The following PLB1 variants were observed in gnomAD, a reference collection of about 807,000 sequenced individuals.
The protein encoded by PLB1 is phospholipase B1, membrane-associated.
Under a neutral mutation model 227.4 loss-of-function variants are expected in PLB1, and 242 were observed. The ratio of observed to expected loss-of-function variants is 1.06; its 90% CI spans 0.96 to 1.18. The LOEUF is 1.18. PLB1 is among the 50% of genes most tolerant of loss of function. The probability of loss-of-function intolerance (pLI) is 0.00; values close to 1 mark genes in which losing one functional copy is unlikely to be tolerated. For missense variants in PLB1, 1,858 were observed against 1,816.3 expected, an observed-to-expected ratio of 1.02 and a Z score of -0.42; for synonymous variants, 757 against 682.2, an observed-to-expected ratio of 1.11 and a Z score of -1.71.
chr2:28,633,978 T>C (rs1335882983), intron 56 of PLB1, among the ~76,000 whole-genome samples: 2 of 152,192 alleles, frequency 1.3e-5, no homozygotes, highest in African/African-American at 2.4e-5. Context: ...TTCCCACCCC[T>C]GTCAGCTCAT....
chr2:28,582,793 G>A (rs747848141), intron 25 of PLB1, among the ~76,000 whole-genome samples: 8 of 152,234 alleles, frequency 5.3e-5, no homozygotes, highest in Middle Eastern at 3.4e-3. Context: ...AGAGTAAAAC[G>A]CTAGGAATGG....
chr2:28,549,695 C>T (rs77218411), intron 15 of PLB1, among the ~76,000 whole-genome samples: 1,626 of 152,270 alleles, frequency 0.011, 29 homozygotes, highest in African/African-American at 0.037. Flanking sequence ...AATTCACCTT[C>T]TTGCACTTTT....
chr2:28,559,812 C>T (rs374557586), intron 17 of PLB1, among the ~76,000 whole-genome samples: 79 of 125,810 alleles, frequency 6.3e-4, no homozygotes, highest in Middle Eastern at 6.7e-3. Context: ...ATTGCAGTGG[C>T]GCAATCTCGG....
At chr2:28,610,065 G>T (rs990507380) in intron 43 of PLB1, among the ~76,000 whole-genome samples, 7 of 151,900 alleles carry the variant, frequency 4.6e-5, no homozygotes, top group African/African-American at 1.7e-4. Flanking sequence ...ACACCCTATG[G>T]CCTCTGCTTA....
intron 1 of PLB1, among the ~76,000 whole-genome samples, chr2:28,514,049 A>T (rs1025330563): frequency 6.6e-6 from 1 of 152,242 alleles, no homozygotes; most frequent in Non-Finnish European, 1.5e-5. Flanking sequence ...TTCATTTTTT[A>T]AAACTTAATA....
chr2:28,631,340 C>T (rs1332913351), intron 54 of PLB1, among the ~76,000 whole-genome samples: 1 of 152,076 alleles, frequency 6.6e-6, no homozygotes, highest in Non-Finnish European at 1.5e-5. Context: ...CTCCTTCATT[C>T]ACAAGGCAAG....
At chr2:28,617,921 C>T (rs774562984) in intron 45 of PLB1, 134 bp downstream of exon 45, 11 of 869,290 alleles carry the variant, frequency 1.3e-5, no homozygotes, top group Admixed American at 6.0e-5. Context: ...CTAGATCCTG[C>T]GGCCTGCCGC....
intron 21 of PLB1, among the ~76,000 whole-genome samples, chr2:28,574,852 C>A (rs1292388947): frequency 1.3e-5 from 2 of 152,204 alleles, no homozygotes; most frequent in Non-Finnish European, 2.9e-5. Context: ...TTATTTCATT[C>A]CTTTTTATGG....
chr2:28,589,886 T>C, intron 28 of PLB1, 116 bp downstream of exon 28: 1 of 1,356,082 alleles, frequency 7.4e-7, no homozygotes, highest in Non-Finnish European at 1.1e-6. Flanking sequence ...TGCACGGCAA[T>C]GACAAACAAA....
intron 1 of PLB1, among the ~76,000 whole-genome samples, chr2:28,502,537 G>C (rs758707572): frequency 1.3e-5 from 2 of 152,080 alleles, no homozygotes; most frequent in Non-Finnish European, 1.5e-5. Flanking sequence ...TGCTAATACT[G>C]AATGATCCAT....
Position 28,602,811 on chromosome 2 carries a change from T to C in PLB1, c.2674-10T>C, listed in dbSNP as rs775032741. The C allele has an allele frequency of 1.2e-6, 2 of 1,613,314 alleles. No individual in the cohort carries two copies. The highest frequency in any genetic ancestry group is 2.2e-5 in the South Asian group (2 of 91,074). On this transcript the variant is annotated splice_polypyrimidine_tract_variant and intron_variant, in intron 38 of 57. Coordinates refer to ENST00000327757, the MANE Select transcript of PLB1 (RefSeq NM_153021.5). Reference sequence around the variant, plus strand: ...TGGAGCCCCCCTCTCATCTGCAGCTTTTCCCTTAGGTGCCCAGAGTCCTGG... The same window carrying C: ...TGGAGCCCCCCTCTCATCTGCAGCTCTTCCCTTAGGTGCCCAGAGTCCTGG...
At chr2:28,549,434 T>TTTTTTTTTG (rs60408643) in intron 15 of PLB1, among the ~76,000 whole-genome samples, 1 of 146,148 alleles carries the variant, frequency 6.8e-6, no homozygotes, top group Admixed American at 6.9e-5. Flanking sequence ...TTTTTTTTTT[T>TTTTTTTTTG]GAGACGGAGT....
At chr2:28,632,234 T>TTA in intron 55 of PLB1, 94 bp downstream of exon 55, 1 of 986,840 alleles carries the variant, frequency 1.0e-6, no homozygotes, top group Non-Finnish European at 1.5e-6. Flanking sequence ...TTTTTTTTTT[T>TTA]AACCATCTCT....
intron 40 of PLB1, 30 bp from the exon 41 acceptor site, chr2:28,604,625 G>A: frequency 6.2e-7 from 1 of 1,603,238 alleles, no homozygotes. Context: ...CCCAGGGCCT[G>A]GGCTGAAGAC....
intron 33 of PLB1, 151 bp from the exon 34 acceptor site, chr2:28,597,854 A>C: frequency 1.3e-6 from 1 of 744,564 alleles, no homozygotes; most frequent in Non-Finnish European, 2.3e-6. Flanking sequence ...AAATTTTCTC[A>C]GAATTCCTCA....
At chr2:28,540,298 C>A in intron 11 of PLB1, 68 bp from the exon 12 acceptor site, 2 of 1,336,152 alleles carry the variant, frequency 1.5e-6, no homozygotes, top group Non-Finnish European at 2.2e-6. Flanking sequence ...AAGAGGCGGG[C>A]TGGATGCATC....
rs750939741 is a variant in PLB1, at chr2:28,550,015, C to T, written c.1014C>T (p.Ser338=). 1.2e-5 allele frequency: 20 copies of T among 1,612,526 alleles called. No homozygotes were observed. In the Admixed American group the frequency reaches 3.3e-4, roughly 27 times the overall value. The part of the protein sequence containing the change: ...GRPMKCPSQE[S]PYLFSYRNSN... ...CATGTCACCTTTCCCTGCAGGAGAGCCCCTATCTGTTCAGCTACAGAAACA... is the reference window on the plus strand; with the variant it reads ...CATGTCACCTTTCCCTGCAGGAGAGTCCCTATCTGTTCAGCTACAGAAACA... Residue 338 remains serine (S), a synonymous_variant, in exon 16 of 58, where the codon AGC becomes AGT. Transcript: ENST00000327757.
Position 28,502,881 on chromosome 2 carries a change from C to A in PLB1, c.55+6712C>A, listed in dbSNP as rs147514157. On this transcript the variant is annotated intron_variant, in intron 1 of 57. Transcript: ENST00000327757. ...TGGAATATTATTTTTTGGTAGATTT[C>A]TGACTACTGGTTCAATTTCTTTAGC... Among the ~76,000 whole-genome samples, 429 of 152,142 alleles carry A rather than the reference C, an allele frequency of 2.8e-3. 3 individuals are homozygous for A. Among genetic ancestry groups the A allele is most frequent in the African/African-American group, 9.8e-3 (406 of 41,512 alleles).
At position 28,532,259 on chromosome 2, in the gene PLB1, C is replaced by T. The variant is rs1209638460; in HGVS notation, c.555+65C>T. The T allele has an allele frequency of 7.5e-6, 10 of 1,330,460 alleles. No individual in the cohort carries two copies. In the South Asian group the frequency reaches 1.3e-4, roughly 17 times the overall value. 82.4% of individuals were successfully genotyped at this position (1,330,460 alleles called of 1,614,324 possible). A position where few individuals can be genotyped will look rare whatever the true frequency, so the allele number is the denominator to read the frequency against. On this transcript the variant is annotated intron_variant, in intron 9 of 57. Coordinates refer to ENST00000327757, the MANE Select transcript of PLB1 (RefSeq NM_153021.5). ...GGGGTGGAGAGGGAGTGAACTAAAC[C>T]TGCCTGATTACCCAATCCCCAGCTG...
Sources: gnomAD v4.1 joint callset for allele counts (sites outside exome capture counted in the v4.1 genomes callset) on GRCh38, gnomAD v4.1.1 for gene constraint, MANE v1.5 for transcripts, NCBI Gene and HGNC (gene_info 2026-07-23, HGNC 2026-07-21) for gene names.